ASTN1: variants seen among roughly 807,000 people sequenced by gnomAD.
ASTN1 encodes astrotactin-1.
In ASTN1, 41 loss-of-function variants were observed where a neutral mutation model predicts 140.7. The ratio of observed to expected loss-of-function variants is 0.29; its 90% CI spans 0.23 to 0.38. The LOEUF is 0.38. Among genes scored for constraint, ASTN1 ranks in the 10% least tolerant of loss-of-function variants. The pLI is 1.00. For synonymous variants in ASTN1, 640 were observed against 652.2 expected, an observed-to-expected ratio of 0.98 and a Z score of 0.29; for missense variants, 1,479 against 1,678.8, an observed-to-expected ratio of 0.88 and a Z score of 2.08.
At chr1:176,927,366 GTCAGA>G (rs1254746094) in intron 16 of ASTN1, among the ~76,000 whole-genome samples, 1 of 152,108 alleles carries the variant, frequency 6.6e-6, no homozygotes, top group Non-Finnish European at 1.5e-5. Context: ...GTTGGCAAAG[GTCAGA>G]TCTAAAGCAA....
intron 16 of ASTN1, among the ~76,000 whole-genome samples, chr1:176,917,845 C>T (rs1290783812): frequency 1.3e-5 from 2 of 152,204 alleles, no homozygotes; most frequent in East Asian, 1.9e-4. Context: ...CAACTCACCA[C>T]GTGCCTTCAC....
At chr1:177,046,036 T>C (rs1677202870) in intron 2 of ASTN1, among the ~76,000 whole-genome samples, 1 of 152,220 alleles carries the variant, frequency 6.6e-6, no homozygotes, top group Non-Finnish European at 1.5e-5. Context: ...GAAGTTCTTC[T>C]TAACTTCATT....
intron 8 of ASTN1, among the ~76,000 whole-genome samples, chr1:176,981,010 G>C (rs1240920228): frequency 6.6e-6 from 1 of 151,770 alleles, no homozygotes; most frequent in Admixed American, 6.6e-5. Flanking sequence ...TCAGGAGTTT[G>C]AGACCAGCCT....
Position 176,942,866 on chromosome 1 carries a change from A to ATATATATATATATATATATATATATT in ASTN1, c.2377+1024_2377+1025insAATATATATATATATATATATATATA, listed in dbSNP as rs1385017638. Among the ~76,000 whole-genome samples, 4 of 70,004 alleles carry ATATATATATATATATATATATATATT rather than the reference A, an allele frequency of 5.7e-5. 1 individual carries two copies. The highest frequency in any genetic ancestry group is 1.3e-4 in the African/African-American group (3 of 22,338). 45.9% of individuals were successfully genotyped at this position (70,004 alleles called of 152,430 possible). On this transcript the variant is annotated intron_variant, in intron 14 of 22. Transcript: ENST00000361833. ...TATATATATATATATATATATATATAGATTGATGTCTCATGTCTCCTTAAA... is the reference window on the plus strand; with the variant it reads ...TATATATATATATATATATATATATATATATATATATATATATATATATATTGATTGATGTCTCATGTCTCCTTAAA...
At chr1:176,889,146 A>T (rs1669160914) in intron 17 of ASTN1, among the ~76,000 whole-genome samples, 1 of 152,276 alleles carries the variant, frequency 6.6e-6, no homozygotes, top group Admixed American at 6.5e-5. Flanking sequence ...GAATAAAATT[A>T]GACCAGTGAA....
chr1:177,121,107 A>G (rs1366596943), intron 1 of ASTN1, among the ~76,000 whole-genome samples: 1 of 149,668 alleles, frequency 6.7e-6, no homozygotes, highest in Non-Finnish European at 1.5e-5. Flanking sequence ...TACATGCACT[A>G]TGTAAAGTCC....
intron 1 of ASTN1, among the ~76,000 whole-genome samples, chr1:177,092,364 T>C (rs567406053): frequency 6.6e-6 from 1 of 152,320 alleles, no homozygotes; most frequent in Admixed American, 6.5e-5. Flanking sequence ...CTTTTTATTG[T>C]TGAGTTGTAG....
intron 1 of ASTN1, among the ~76,000 whole-genome samples, chr1:177,081,441 A>G (rs1202793372): frequency 6.6e-6 from 1 of 152,190 alleles, no homozygotes; most frequent in Non-Finnish European, 1.5e-5. Flanking sequence ...GGATGGAGTC[A>G]GGGTATAAAA....
At chr1:176,879,137 C>A (rs1010484188) in intron 20 of ASTN1, among the ~76,000 whole-genome samples, 3 of 152,182 alleles carry the variant, frequency 2.0e-5, no homozygotes, top group Non-Finnish European at 4.4e-5. Flanking sequence ...CTGACCCGGT[C>A]CTCTGGTCCT....
intron 1 of ASTN1, among the ~76,000 whole-genome samples, chr1:177,120,887 G>C (rs1681349097): frequency 6.6e-6 from 1 of 152,168 alleles, no homozygotes; most frequent in African/African-American, 2.4e-5. Context: ...ACTGGACTTA[G>C]AGATCTAATA....
intron 17 of ASTN1, among the ~76,000 whole-genome samples, chr1:176,891,992 T>C (rs1333679795): frequency 6.6e-6 from 1 of 152,048 alleles, no homozygotes; most frequent in Non-Finnish European, 1.5e-5. Flanking sequence ...ACTTTTCCAG[T>C]GGTAGAAATG....
chr1:176,866,233 G>C (rs1462079192), intron 22 of ASTN1, among the ~76,000 whole-genome samples: 6 of 152,192 alleles, frequency 3.9e-5, no homozygotes, highest in Non-Finnish European at 8.8e-5. Context: ...CTGGAGGAAG[G>C]ATTTGAGCTT....
At chr1:176,982,968 C>T (rs1265924320) in intron 8 of ASTN1, among the ~76,000 whole-genome samples, 1 of 152,044 alleles carries the variant, frequency 6.6e-6, no homozygotes, top group Non-Finnish European at 1.5e-5. Context: ...GCAGGGAAAT[C>T]CACAGATGAT....
chr1:177,115,719 C>T (rs1020492772), intron 1 of ASTN1, among the ~76,000 whole-genome samples: 1 of 151,466 alleles, frequency 6.6e-6, no homozygotes, highest in Non-Finnish European at 1.5e-5. Context: ...ATAATGTATG[C>T]TCATTGTTTA....
At chr1:176,874,055 G>A (rs985845492) in intron 21 of ASTN1, among the ~76,000 whole-genome samples, 3 of 152,012 alleles carry the variant, frequency 2.0e-5, no homozygotes, top group Non-Finnish European at 2.9e-5. Flanking sequence ...CCCACCACCT[G>A]CTGCCTACTC....
intron 13 of ASTN1, among the ~76,000 whole-genome samples, chr1:176,944,774 A>C (rs542266217): frequency 6.6e-6 from 1 of 152,350 alleles, no homozygotes; most frequent in Non-Finnish European, 1.5e-5. Context: ...CCTCTCGACA[A>C]GATCTAGGCA....
intron 19 of ASTN1, among the ~76,000 whole-genome samples, chr1:176,883,326 G>A (rs1668889363): frequency 6.6e-6 from 1 of 150,578 alleles, no homozygotes; most frequent in Admixed American, 6.6e-5. Flanking sequence ...TCCGCCTCCT[G>A]GGTTCAAGCA....
At chr1:176,871,725 A>T (rs1214845526) in intron 21 of ASTN1, among the ~76,000 whole-genome samples, 4 of 152,248 alleles carry the variant, frequency 2.6e-5, no homozygotes, top group Non-Finnish European at 5.9e-5. Flanking sequence ...GAAAGAATTG[A>T]GAGAATTTAT....
chr1:176,933,499 GC>G (rs1467335400), intron 16 of ASTN1, among the ~76,000 whole-genome samples: 2 of 152,118 alleles, frequency 1.3e-5, no homozygotes, highest in African/African-American at 4.8e-5. Flanking sequence ...AAATATACTG[GC>G]CACTATGCCT....
Sources: allele counts gnomAD v4.1 joint callset (sites outside exome capture counted in the v4.1 genomes callset), GRCh38; gene constraint gnomAD v4.1.1; transcripts MANE v1.5; gene names NCBI Gene and HGNC (gene_info 2026-07-23, HGNC 2026-07-21).